CEP126: variants seen among roughly 807,000 people sequenced by gnomAD.
CEP126 encodes centrosomal protein of 126 kDa.
In CEP126, 74 loss-of-function variants were observed where a neutral mutation model predicts 107.8. The ratio of observed to expected loss-of-function variants is 0.69; its 90% CI spans 0.57 to 0.83. The LOEUF (loss-of-function observed/expected upper bound fraction) is 0.83, where lower values mean the gene tolerates loss of function less well. CEP126 is among the 40% of genes least tolerant of loss of function. The pLI is 0.00. For missense variants in CEP126, 1,237 were observed against 1,281.9 expected (o/e 0.96, Z 0.53); for synonymous variants, 449 against 446.0 (o/e 1.01, Z -0.08).
chr11:101,928,089 GTGGT>G (rs201226024), intron 2 of CEP126, among the ~76,000 whole-genome samples: 3,266 of 152,204 alleles, frequency 0.021, 37 homozygotes, highest in African/African-American at 0.029. Context: ...ATATCTCATT[GTGGT>G]TTTAACTTGT....
chr11:101,985,247 G>A (rs1941302826), intron 8 of CEP126, among the ~76,000 whole-genome samples: 1 of 150,960 alleles, frequency 6.6e-6, no homozygotes, highest in Admixed American at 6.6e-5. Context: ...ATTACCTTCA[G>A]GTATGTGTAT....
chr11:101,969,466 TAAAG>T (rs937511707), intron 6 of CEP126, among the ~76,000 whole-genome samples: 2 of 152,060 alleles, frequency 1.3e-5, no homozygotes, highest in African/African-American at 4.8e-5. Flanking sequence ...GAAAAAAAAT[TAAAG>T]AAGATCTATG....
intron 2 of CEP126, among the ~76,000 whole-genome samples, chr11:101,931,644 A>G (rs1940502254): frequency 6.6e-6 from 1 of 152,172 alleles, no homozygotes; most frequent in African/African-American, 2.4e-5. Flanking sequence ...TTAGCTTTAC[A>G]GTTTAATATT....
chr11:101,943,252 C>T (rs1466360136), intron 2 of CEP126, among the ~76,000 whole-genome samples: 1 of 151,998 alleles, frequency 6.6e-6, no homozygotes. Context: ...TACATTCTAC[C>T]TATCTCCTAT....
Position 101,963,878 on chromosome 11 carries a change from C to A in CEP126, c.2843C>A (p.Thr948Lys). 2 of 1,572,884 alleles carry A rather than the reference C, an allele frequency of 1.3e-6. No individual in the cohort carries two copies. The highest frequency in any genetic ancestry group is 8.6e-7 in the Non-Finnish European group (1 of 1,156,804). The change falls in exon 6 of 11, where the codon ACA becomes AAA. Residue 948 changes from threonine to lysine, a missense_variant and splice_region_variant. By Grantham distance (78) the Thr-to-Lys change is moderately conservative. Around this residue, in one of 3 missense-constraint regions of CEP126, gnomAD observed 1,134 missense variants for 1,150.5 expected, o/e 0.99. Transcript: ENST00000263468. ...GTCCTGCATCAAAATAAGAGGGCTA[C>A]AGGTAAGAATAAATTTATAGCTTTT... is the stretch of plus-strand genomic sequence containing the variant. ...PNVLHQNKRA[T>K]GSTVMRRKRI...
chr11:101,956,727 C>T, intron 4 of CEP126: 2 of 455,760 alleles, frequency 4.4e-6, no homozygotes, highest in Non-Finnish European at 8.8e-6. Flanking sequence ...TTAGCTTTTC[C>T]CTCTCCAGTT....
chr11:101,983,338 A>G (rs900183114), intron 8 of CEP126, among the ~76,000 whole-genome samples: 1 of 152,206 alleles, frequency 6.6e-6, no homozygotes, highest in Non-Finnish European at 1.5e-5. Context: ...CAGAAGGATA[A>G]ACTGTTGAAG....
chr11:101,915,010 G>T lies in CEP126; in HGVS notation c.-275G>T. ...CTCCCAGGTTTCCGTTGTCAAGGACGCGCCGTCGGTTGTTGTCAAGATGGC... is the reference window on the plus strand; with the variant it reads ...CTCCCAGGTTTCCGTTGTCAAGGACTCGCCGTCGGTTGTTGTCAAGATGGC... On this transcript the variant is annotated 5_prime_UTR_variant, in exon 1 of 11. Coordinates refer to ENST00000263468, the MANE Select transcript of CEP126 (RefSeq NM_020802.4). The T allele has an allele frequency of 2.6e-6, 1 of 389,546 alleles. No individual in the cohort carries two copies. The allele number at this position is 389,546 out of a possible 1,614,324, so 24.1% of individuals were successfully genotyped here.
chr11:101,992,675 G>A, intron 9 of CEP126, 103 bp from the exon 10 acceptor site: 1 of 678,796 alleles, frequency 1.5e-6, no homozygotes, highest in Non-Finnish European at 2.3e-6. Context: ...ACTCAATTTT[G>A]AATATTTTGA....
At chr11:101,982,887 T>C (rs77875942) in intron 8 of CEP126, among the ~76,000 whole-genome samples, 7,377 of 152,234 alleles carry the variant, frequency 0.048, 492 homozygotes, top group Admixed American at 0.18. Flanking sequence ...GGGTCACAGC[T>C]AAAACACAAG....
Position 101,933,636 on chromosome 11 carries a change from C to T in CEP126, c.249-10629C>T, listed in dbSNP as rs567740999. On this transcript the variant is annotated intron_variant, in intron 2 of 10. Transcript: ENST00000263468. Reference sequence around the variant, plus strand: ...AATGATTATTATTTTCACAGGTCACCTTATATGTAATGACAAACTTACTTT... The same window carrying T: ...AATGATTATTATTTTCACAGGTCACTTTATATGTAATGACAAACTTACTTT... 2.0e-5 allele frequency among the ~76,000 whole-genome samples: 3 copies of T among 152,154 alleles called. No homozygotes were observed. The East Asian group carries it at 5.8e-4, about 29-fold the overall frequency.
At chr11:101,955,919 G>T (rs1940880769) in intron 4 of CEP126, 1 of 456,108 alleles carries the variant, frequency 2.2e-6, no homozygotes, top group Non-Finnish European at 4.4e-6. Flanking sequence ...TGTTTCTCCT[G>T]CCCGCCAGCC....
In CEP126 at chr11:102,000,449, G is replaced by A. The variant is rs9633928; in HGVS notation, c.*2806G>A. 0.07 allele frequency: 10,679 copies of A among 152,178 alleles called. 578 individuals carry two copies. Among genetic ancestry groups the A allele is most frequent in the East Asian group, 0.27 (1,384 of 5,142 alleles). The allele number at this position is 152,178 out of a possible 1,614,324, so 9.4% of individuals were successfully genotyped here. On this transcript the variant is annotated 3_prime_UTR_variant, in exon 11 of 11. Coordinates refer to ENST00000263468, the MANE Select transcript of CEP126 (RefSeq NM_020802.4). ...TGTAATCCCAGAACTTTGGGAGGCC[G>A]AGGCAGGTGGATCATTTGAGCTCAG... is the stretch of plus-strand genomic sequence containing the variant.
At chr11:101,950,421 A>G (rs1397491699) in intron 4 of CEP126, among the ~76,000 whole-genome samples, 1 of 152,220 alleles carries the variant, frequency 6.6e-6, no homozygotes, top group Admixed American at 6.5e-5. Context: ...AGAGTAGGAT[A>G]CAAAAGTACT....
At position 101,963,404 on chromosome 11, in the gene CEP126, T is replaced by C. The variant is rs1158287715; in HGVS notation, c.2369T>C (p.Phe790Ser). 2 of 1,614,050 alleles carry C rather than the reference T, an allele frequency of 1.2e-6. No individual in the cohort carries two copies. Among genetic ancestry groups the C allele is most frequent in the East Asian group, 4.5e-5 (2 of 44,860 alleles). ...QPQSASKVNI[F>S]TQAQGKLIIP... is the part of the protein sequence containing the mutation. The stretch of plus-strand genomic sequence containing the variant: ...CAGTCTGCAAGCAAAGTCAACATAT[T>C]TACACAAGCTCAGGGAAAATTAATT... The change falls in exon 6 of 11, where the codon TTT becomes TCT. Residue 790 changes from phenylalanine (F) to serine (S), a missense_variant. Transcript: ENST00000263468.
Position 101,962,313 on chromosome 11 carries a change from T to A in CEP126, c.1278T>A (p.Ser426=). The A allele has an allele frequency of 6.2e-7, 1 of 1,613,512 alleles. No homozygotes were observed. Among genetic ancestry groups the A allele is most frequent in the South Asian group, 1.1e-5 (1 of 90,938 alleles). The change falls in exon 6 of 11, where the codon TCT becomes TCA. Residue 426 remains serine (S), a synonymous_variant. Coordinates refer to ENST00000263468, the MANE Select transcript of CEP126 (RefSeq NM_020802.4). ...GCAAATCCCAAAGCACTTCAGATTC[T>A]CTAACCCAGGAAGTGGCTACATTTC... ...KFSKSQSTSD[S]LTQEVATFPD...
At chr11:101,938,830 T>C (rs1025826653) in intron 2 of CEP126, among the ~76,000 whole-genome samples, 3 of 152,184 alleles carry the variant, frequency 2.0e-5, no homozygotes, top group Non-Finnish European at 4.4e-5. Flanking sequence ...TGATCTATGG[T>C]TTACTTAGAA....
rs530354296 is a variant in CEP126 at position 101,988,648 on chromosome 11, G to A, written c.3244+1607G>A. Among the ~76,000 whole-genome samples, 5 of 152,212 alleles carry A rather than the reference G, an allele frequency of 3.3e-5. No homozygotes were observed. In the South Asian group the frequency reaches 1.0e-3, roughly 32 times the overall value. On this transcript the variant is annotated intron_variant, in intron 9 of 10. Transcript: ENST00000263468. ...AGGAGATATTGACAACATGTCCAATGTGCTGAGAGAAAGTAACTTTCAAAT... is the reference window on the plus strand; with the variant it reads ...AGGAGATATTGACAACATGTCCAATATGCTGAGAGAAAGTAACTTTCAAAT...
chr11:101,959,854 G>A (rs1940949229), intron 5 of CEP126, among the ~76,000 whole-genome samples: 1 of 152,034 alleles, frequency 6.6e-6, no homozygotes, highest in African/African-American at 2.4e-5. Context: ...TGAAGCTTTG[G>A]GAGAAAAAGG....
Sources: allele counts gnomAD v4.1 joint callset (sites outside exome capture counted in the v4.1 genomes callset), GRCh38; gene constraint gnomAD v4.1.1; regional missense constraint gnomAD v4.1.1; transcripts MANE v1.5; gene names NCBI Gene and HGNC (gene_info 2026-07-23, HGNC 2026-07-21).